Variants in BDP1 observed in about 807,000 individuals in gnomAD.
The protein encoded by BDP1 is BDP1 general transcription factor IIIB subunit.
In BDP1, 169 loss-of-function variants were observed where a neutral mutation model predicts 266.6. The ratio of observed to expected loss-of-function variants is 0.63; its 90% CI spans 0.56 to 0.72. The LOEUF (loss-of-function observed/expected upper bound fraction) is 0.72, where lower values mean the gene tolerates loss of function less well. Among genes scored for constraint, BDP1 ranks in the 30% least tolerant of loss-of-function variants. The pLI, the probability that BDP1 is intolerant of heterozygous loss-of-function variation, is 0.00. For synonymous variants in BDP1, 1,090 were observed against 1,022.4 expected, an observed-to-expected ratio of 1.07 and a Z score of -1.26; for missense variants, 3,015 against 3,053.8, an observed-to-expected ratio of 0.99 and a Z score of 0.30.
Position 71,480,249 on chromosome 5 carries a change from T to G in BDP1, c.1015-3593T>G, listed in dbSNP as rs544706622. On this transcript the variant is annotated intron_variant, in intron 7 of 38. Coordinates refer to ENST00000358731, the MANE Select transcript of BDP1 (RefSeq NM_018429.3). ...CCTCAGCTTCCCAAGTAGCTGGGAC[T>G]ACAGGCGCGCACCACCATGCCCAGC... Among the ~76,000 whole-genome samples the G allele has an allele frequency of 4.7e-3, 708 of 149,196 alleles. 11 individuals carry two copies. The highest frequency in any genetic ancestry group is 0.016 in the African/African-American group (655 of 40,620).
At chr5:71,549,274 C>G in intron 33 of BDP1, 146 bp from the exon 34 acceptor site, 1 of 690,344 alleles carries the variant, frequency 1.4e-6, no homozygotes, top group Non-Finnish European at 2.4e-6. Context: ...CTTCCTCAGG[C>G]TGGGGGGTTG....
chr5:71,553,043 A>C, intron 34 of BDP1, 73 bp from the exon 35 acceptor site: 2 of 1,219,036 alleles, frequency 1.6e-6, no homozygotes, highest in Non-Finnish European at 2.3e-6. Context: ...AAGGATTTCT[A>C]GGATCCTTTA....
intron 22 of BDP1, among the ~76,000 whole-genome samples, chr5:71,519,578 G>A (rs923729344): frequency 6.6e-6 from 1 of 152,108 alleles, no homozygotes; most frequent in Admixed American, 6.5e-5. Context: ...TTCTGTGCCT[G>A]GCTTATTTCA....
Position 71,562,492 on chromosome 5 carries a change from C to G in BDP1, c.7715C>G (p.Ser2572Cys), listed in dbSNP as rs769779005. The change falls in exon 38 of 39, where the codon TCT becomes TGT. Residue 2572 changes from serine to cysteine, a missense_variant. Coordinates refer to ENST00000358731, the MANE Select transcript of BDP1 (RefSeq NM_018429.3). The part of the protein sequence containing the change: ...LPSPSVITTQ[S>C]ENISSSATQV... ...TCTCCAAGTGTTATTACTACTCAAT[C>G]TGAGAATATTAGCAGCTCAGCAACT... 1.2e-6 allele frequency: 2 copies of G among 1,613,854 alleles called. No homozygotes were observed. The highest frequency in any genetic ancestry group is 2.2e-5 in the South Asian group (2 of 91,062).
chr5:71,523,394 A>G (rs1031473532), intron 24 of BDP1, among the ~76,000 whole-genome samples: 1 of 151,516 alleles, frequency 6.6e-6, no homozygotes, highest in East Asian at 1.9e-4. Context: ...GCTCACTGCA[A>G]CCTCCACCTC....
downstream of BDP1, among the ~76,000 whole-genome samples, chr5:71,572,277 CTT>C (rs1339671970): frequency 6.6e-6 from 1 of 152,206 alleles, no homozygotes; most frequent in Non-Finnish European, 1.5e-5. Context: ...TCTTTTGTCT[CTT>C]GTCTTTATTC....
chr5:71,488,166 C>T (rs545190300), intron 9 of BDP1, among the ~76,000 whole-genome samples: 2 of 151,978 alleles, frequency 1.3e-5, no homozygotes, highest in Admixed American at 6.5e-5. Flanking sequence ...CACTTTGTTG[C>T]CCAGGCTGGA....
chr5:71,458,930 T>C, intron 2 of BDP1, 75 bp downstream of exon 2: 7 of 1,423,146 alleles, frequency 4.9e-6, no homozygotes, highest in Non-Finnish European at 6.6e-6. Flanking sequence ...AGAAAAGCAT[T>C]TGTAGCATTT....
intron 1 of BDP1, among the ~76,000 whole-genome samples, chr5:71,456,928 T>C (rs1296263236): frequency 6.6e-6 from 1 of 152,224 alleles, no homozygotes; most frequent in Admixed American, 6.5e-5. Flanking sequence ...TATGCTGTGA[T>C]AGGAAGGTGA....
chr5:71,492,634 T>G (rs368234186), intron 11 of BDP1, among the ~76,000 whole-genome samples: 10 of 152,296 alleles, frequency 6.6e-5, no homozygotes, highest in African/African-American at 2.4e-4. Context: ...ATAGTTTGGA[T>G]TTTAGGACCT....
Position 71,509,446 on chromosome 5 carries a change from C to G in BDP1, c.2373-19C>G, listed in dbSNP as rs62374366. ...GTCTGGTTTAAAACTTGATTGTGTG[C>G]CCCCTTTTTTTTTTATAGCGTTCAA... On this transcript the variant is annotated intron_variant, in intron 16 of 38. Transcript: ENST00000358731. 4.4e-6 allele frequency: 2 copies of G among 453,958 alleles called. No individual in the cohort carries two copies. The highest frequency in any genetic ancestry group is 6.2e-6 in the Non-Finnish European group (2 of 324,162). The allele number at this position is 453,958 out of a possible 1,614,324, so 28.1% of individuals were successfully genotyped here. A position where few individuals can be genotyped will look rare whatever the true frequency, so the allele number is the denominator to read the frequency against.
rs375850328 is a variant in BDP1 at position 71,544,904 on chromosome 5, A to AAAAAAAAAAG, written c.6564-133_6564-132insAAAAAAAGAA. On this transcript the variant is annotated intron_variant, in intron 31 of 38. Transcript: ENST00000358731. Reference sequence around the variant, plus strand: ...CAAAAAAAAAAAAAAAAAAAAAAAAAAAGTCCTATTGCATTAAATATGTTT... The same window carrying AAAAAAAAAAG: ...CAAAAAAAAAAAAAAAAAAAAAAAAAAAAAAAAAAGAAGTCCTATTGCATTAAATATGTTT... 35 of 442,820 alleles carry AAAAAAAAAAG rather than the reference A, an allele frequency of 7.9e-5. 2 individuals carry two copies. The highest frequency in any genetic ancestry group is 2.3e-4 in the African/African-American group (8 of 35,256). The allele number at this position is 442,820 out of a possible 1,614,324, so 27.4% of individuals were successfully genotyped here. A position where few individuals can be genotyped will look rare whatever the true frequency, so the allele number is the denominator to read the frequency against.
chr5:71,471,746 G>A (rs543797597), intron 7 of BDP1, among the ~76,000 whole-genome samples: 4 of 152,156 alleles, frequency 2.6e-5, no homozygotes, highest in Non-Finnish European at 5.9e-5. Flanking sequence ...TCAATTGATA[G>A]TGAGATCTTT....
intron 34 of BDP1, among the ~76,000 whole-genome samples, chr5:71,552,787 C>T (rs1228743957): frequency 2.0e-5 from 3 of 152,236 alleles, no homozygotes; most frequent in African/African-American, 7.2e-5. Context: ...CCAGCTTCGG[C>T]TCGGCATCAG....
Position 71,504,770 on chromosome 5 carries a change from A to T in BDP1, c.2372+19A>T. On this transcript the variant is annotated intron_variant, in intron 16 of 38. Transcript: ENST00000358731. ...GTCTAAGGTAAGCATCATTTTGTTG[A>T]TATATAATCTTTGGATTTTGTAAAA... 6.2e-7 allele frequency: 1 copy of T among 1,603,584 alleles called. No homozygotes were observed. The highest frequency in any genetic ancestry group is 8.5e-7 in the Non-Finnish European group (1 of 1,177,348).
chr5:71,508,646 G>T (rs773919501), intron 16 of BDP1, among the ~76,000 whole-genome samples: 1 of 152,014 alleles, frequency 6.6e-6, no homozygotes, highest in Non-Finnish European at 1.5e-5. Flanking sequence ...CGACATGGCC[G>T]AATACAATCT....
chr5:71,512,968 G>A (rs1561733560), intron 18 of BDP1, among the ~76,000 whole-genome samples: 2 of 149,768 alleles, frequency 1.3e-5, no homozygotes, highest in Admixed American at 6.8e-5. Context: ...AGGCTCAGAT[G>A]GGAAGATCAC....
At chr5:71,504,897 C>A (rs1764492312) in intron 16 of BDP1, 146 bp downstream of exon 16, 6 of 752,220 alleles carry the variant, frequency 8.0e-6, no homozygotes, top group Non-Finnish European at 1.1e-5. Flanking sequence ...CTTCACCTTT[C>A]AAGAAAGTTT....
chr5:71,553,237 A>T lies in BDP1; in HGVS notation c.7117A>T (p.Arg2373Trp), dbSNP rs1742981586. Residue 2373 changes from arginine (R) to tryptophan (W), a missense_variant, in exon 35 of 39, where the codon AGG becomes TGG. Around this residue, in one of 3 missense-constraint regions of BDP1, gnomAD observed 629 missense variants for 632.5 expected, o/e 0.99. Transcript: ENST00000358731. The stretch of plus-strand genomic sequence containing the variant: ...TGTATCTAGGAAGAGATTTCAATGC[A>T]GGCTTGATAAAAATGACCACATTCC... ...DLVSRKRFQCRLDKNDHIPPA... is the reference protein window; with the variant it reads ...DLVSRKRFQCWLDKNDHIPPA... The T allele has an allele frequency of 6.2e-7, 1 of 1,613,346 alleles. No homozygotes were observed. The highest frequency in any genetic ancestry group is 8.5e-7 in the Non-Finnish European group (1 of 1,179,968).
Sources: gnomAD v4.1 joint callset for allele counts (sites outside exome capture counted in the v4.1 genomes callset) on GRCh38, gnomAD v4.1.1 for gene constraint, gnomAD v4.1.1 regional missense constraint, MANE v1.5 for transcripts, NCBI Gene and HGNC (gene_info 2026-07-23, HGNC 2026-07-21) for gene names.